The following TRIM2 variants were observed in gnomAD, a reference collection of about 807,000 sequenced individuals.
TRIM2 encodes tripartite motif containing 2, also known as tripartite motif-containing protein 2.
TRIM2 carries 20 observed loss-of-function variants against 75.2 expected under a neutral mutation model. That is an observed-to-expected ratio of 0.27 (90% CI 0.19 to 0.39). The LOEUF (loss-of-function observed/expected upper bound fraction) is 0.39. Among genes scored for constraint, TRIM2 ranks in the 10% least tolerant of loss-of-function variants. The pLI, the probability that TRIM2 is intolerant of heterozygous loss-of-function variation, is 1.00. For missense variants in TRIM2, 660 were observed against 990.8 expected (o/e 0.67, Z 4.48); for synonymous variants, 373 against 388.3 (o/e 0.96, Z 0.46).
At chr4:153,161,099 T>G (rs1223208577) in intron 1 of TRIM2, among the ~76,000 whole-genome samples, 1 of 152,260 alleles carries the variant, frequency 6.6e-6, no homozygotes, top group Non-Finnish European at 1.5e-5. Context: ...ACCCATTTAC[T>G]GCTCATTCTC....
chr4:153,249,642 G>A (rs190917633), intron 1 of TRIM2, among the ~76,000 whole-genome samples: 148 of 150,824 alleles, frequency 9.8e-4, no homozygotes, highest in Admixed American at 9.2e-3. Flanking sequence ...GGCCCTGGGG[G>A]CCTCTGTTCA....
chr4:153,261,086 T>TG (rs1385595879), intron 1 of TRIM2, among the ~76,000 whole-genome samples: 1 of 152,218 alleles, frequency 6.6e-6, no homozygotes, highest in Non-Finnish European at 1.5e-5. Flanking sequence ...GATTTGTAAT[T>TG]GCTTGGAAAG....
intron 1 of TRIM2, among the ~76,000 whole-genome samples, chr4:153,181,315 T>C (rs185305551): frequency 6.6e-6 from 1 of 152,294 alleles, no homozygotes; most frequent in African/African-American, 2.4e-5. Flanking sequence ...AGAAAGCCTT[T>C]CAAAGGCAGG....
At chr4:153,332,884 A>T (rs953095689) in intron 11 of TRIM2, among the ~76,000 whole-genome samples, 3 of 151,950 alleles carry the variant, frequency 2.0e-5, no homozygotes, top group Non-Finnish European at 2.9e-5. Flanking sequence ...ATGCAAAACT[A>T]CACAGTCAGC....
chr4:153,237,002 A>G (rs761209645), intron 1 of TRIM2, among the ~76,000 whole-genome samples: 8 of 152,174 alleles, frequency 5.3e-5, no homozygotes, highest in Non-Finnish European at 1.0e-4. Context: ...CCAGAGGATT[A>G]TGTCTTAAAC....
At chr4:153,264,538 T>A (rs1754416640) in intron 1 of TRIM2, among the ~76,000 whole-genome samples, 1 of 152,212 alleles carries the variant, frequency 6.6e-6, no homozygotes, top group Non-Finnish European at 1.5e-5. Flanking sequence ...TCTGACAATT[T>A]AGAAAACAAG....
chr4:153,250,451 TC>T (rs1750593464), intron 1 of TRIM2, among the ~76,000 whole-genome samples: 1 of 152,030 alleles, frequency 6.6e-6, no homozygotes, highest in South Asian at 2.1e-4. Flanking sequence ...ACTACAGAAC[TC>T]CCTATCAAGA....
At chr4:153,322,333 C>T (rs1018423654) in intron 8 of TRIM2, among the ~76,000 whole-genome samples, 3 of 152,164 alleles carry the variant, frequency 2.0e-5, no homozygotes, top group African/African-American at 7.2e-5. Flanking sequence ...ATTGCATGAA[C>T]CCAGGAGGTG....
At chr4:153,277,839 TG>T (rs1758370708) in intron 3 of TRIM2, among the ~76,000 whole-genome samples, 1 of 152,204 alleles carries the variant, frequency 6.6e-6, no homozygotes, top group South Asian at 2.1e-4. Flanking sequence ...CAAGGGAAAT[TG>T]ATCATCTAAA....
chr4:153,265,483 A>G (rs777217281), intron 1 of TRIM2, among the ~76,000 whole-genome samples: 1 of 151,976 alleles, frequency 6.6e-6, no homozygotes, highest in Non-Finnish European at 1.5e-5. Flanking sequence ...AGCTGGGGCT[A>G]CAGGCGCCTG....
At chr4:153,321,055 C>T (rs1159050825) in intron 8 of TRIM2, among the ~76,000 whole-genome samples, 1 of 152,224 alleles carries the variant, frequency 6.6e-6, no homozygotes, top group Non-Finnish European at 1.5e-5. Context: ...GCTGTTTCCT[C>T]ACCTGGGGTG....
At chr4:153,217,880 AG>A (rs1170494407) in intron 1 of TRIM2, among the ~76,000 whole-genome samples, 2 of 152,256 alleles carry the variant, frequency 1.3e-5, no homozygotes, top group Non-Finnish European at 2.9e-5. Flanking sequence ...GATCATGAAT[AG>A]GCAATTTAAA....
chr4:153,322,707 G>T lies in TRIM2; in HGVS notation c.1842G>T (p.Gly614=). 1 of 1,614,188 alleles carries T rather than the reference G, an allele frequency of 6.2e-7. No homozygotes were observed. ...GPKGVSVDRN[G]HIIVVDNKAC... is the part of the protein sequence containing the mutation. Reference sequence around the variant, plus strand: ...AAGGAGTTTCTGTGGACCGCAATGGGCACATTATTGTTGTGGACAACAAGG... The same window carrying T: ...AAGGAGTTTCTGTGGACCGCAATGGTCACATTATTGTTGTGGACAACAAGG... The change falls in exon 9 of 12, where the codon GGG becomes GGT. Residue 614 remains glycine, a synonymous_variant. Coordinates refer to ENST00000338700, the MANE Select transcript of TRIM2 (RefSeq NM_015271.5).
chr4:153,257,468 T>C, intron 1 of TRIM2: 2 of 1,254,722 alleles, frequency 1.6e-6, no homozygotes, highest in Non-Finnish European at 2.1e-6. Flanking sequence ...CACTTGTTAA[T>C]GACCCAGAAA....
chr4:153,254,139 CT>C (rs1274619100), intron 1 of TRIM2, among the ~76,000 whole-genome samples: 1 of 152,098 alleles, frequency 6.6e-6, no homozygotes, highest in Non-Finnish European at 1.5e-5. Flanking sequence ...TTGTAAATTA[CT>C]TTGTATGCCA....
rs150509213 is a variant in TRIM2, at chr4:153,231,722, G to T, written c.30+27162G>T. Reference sequence around the variant, plus strand: ...CTGTCCTAGCATCCGGCTGTCCCACGCTTCCCTTGGCTTATAAATAGTGTT... The same window carrying T: ...CTGTCCTAGCATCCGGCTGTCCCACTCTTCCCTTGGCTTATAAATAGTGTT... On this transcript the variant is annotated intron_variant, in intron 1 of 11. Coordinates refer to ENST00000338700, the MANE Select transcript of TRIM2 (RefSeq NM_015271.5). Among the ~76,000 whole-genome samples the T allele has an allele frequency of 6.1e-3, 930 of 152,240 alleles. 11 individuals are homozygous for T. The highest frequency in any genetic ancestry group is 0.021 in the African/African-American group (862 of 41,544).
chr4:153,186,530 T>A (rs1447796951), intron 1 of TRIM2, among the ~76,000 whole-genome samples: 2 of 152,226 alleles, frequency 1.3e-5, no homozygotes, highest in Non-Finnish European at 2.9e-5. Flanking sequence ...CTCGTTCTAG[T>A]GCTTTGTCTC....
chr4:153,154,126 G>T (rs1322139077), intron 1 of TRIM2, among the ~76,000 whole-genome samples: 1 of 152,276 alleles, frequency 6.6e-6, no homozygotes, highest in Admixed American at 6.5e-5. Flanking sequence ...AAAGAAACTC[G>T]GCCCTTCCCT....
At chr4:153,228,153 T>C (rs537189555) in intron 1 of TRIM2, among the ~76,000 whole-genome samples, 7 of 152,346 alleles carry the variant, frequency 4.6e-5, no homozygotes, top group Admixed American at 1.3e-4. Context: ...CAGGATCAGC[T>C]ACTCTCTATC....
Sources: gnomAD v4.1 joint callset for allele counts (sites outside exome capture counted in the v4.1 genomes callset) on GRCh38, gnomAD v4.1.1 for gene constraint, MANE v1.5 for transcripts, NCBI Gene and HGNC (gene_info 2026-07-23, HGNC 2026-07-21) for gene names.